The following RORA variants were observed in gnomAD, a reference collection of about 807,000 sequenced individuals.
The protein encoded by RORA is RAR related orphan receptor A.
In RORA, 7 loss-of-function variants were observed where a neutral mutation model predicts 69.5. The ratio of observed to expected loss-of-function variants is 0.10; its 90% confidence interval spans 0.06 to 0.19. RORA has a LOEUF of 0.19. Among genes scored for constraint, RORA ranks in the 10% least tolerant of loss-of-function variants. RORA has a pLI of 1.00. For missense variants in RORA, 457 were observed against 663.0 expected, an observed-to-expected ratio of 0.69 and a Z score of 3.41; for synonymous variants, 261 against 240.8, an observed-to-expected ratio of 1.08 and a Z score of -0.78.
intron 1 of RORA, among the ~76,000 whole-genome samples, chr15:61,187,491 A>AGAG (rs2079755516): frequency 6.6e-6 from 1 of 152,126 alleles, no homozygotes; most frequent in African/African-American, 2.4e-5. Context: ...GGAAAAACCA[A>AGAG]GAGGAGGAGG....
At position 61,099,439 on chromosome 15, in the gene RORA, ACCTC is replaced by A. The variant is rs1264377625; in HGVS notation, c.166+129610_166+129613del. On this transcript the variant is annotated intron_variant, in intron 1 of 10. Coordinates refer to ENST00000335670, the MANE Select transcript of RORA (RefSeq NM_134261.3). Reference sequence around the variant, plus strand: ...AAGGGAAACCTTTCCTTGGAACATTACCTCCCTATTTATTTAATTTTCTAGATAA... The same window carrying A: ...AAGGGAAACCTTTCCTTGGAACATTACCTATTTATTTAATTTTCTAGATAA... Among the ~76,000 whole-genome samples the A allele has an allele frequency of 2.0e-5, 3 of 152,064 alleles. No homozygotes were observed. In the East Asian group the frequency reaches 5.8e-4, roughly 29 times the overall value.
chr15:60,717,199 C>A (rs1287575766), intron 1 of RORA, among the ~76,000 whole-genome samples: 1 of 152,258 alleles, frequency 6.6e-6, no homozygotes, highest in African/African-American at 2.4e-5. Flanking sequence ...AAAACTCCCA[C>A]GCATGTGGTC....
chr15:60,575,472 A>G (rs2067998463), intron 2 of RORA, among the ~76,000 whole-genome samples: 1 of 152,212 alleles, frequency 6.6e-6, no homozygotes, highest in Non-Finnish European at 1.5e-5. Context: ...TGTTTAGTAA[A>G]TGACAGAGTG....
chr15:60,961,540 T>C (rs7172084), intron 1 of RORA, among the ~76,000 whole-genome samples: 95,042 of 152,016 alleles, frequency 0.63, 31,333 homozygotes, highest in South Asian at 0.86. Context: ...TGTGTTGCCA[T>C]AAAGCGTCTC....
intron 1 of RORA, among the ~76,000 whole-genome samples, chr15:60,783,625 G>A (rs902407129): frequency 3.3e-5 from 5 of 152,316 alleles, no homozygotes; most frequent in African/African-American, 1.2e-4. Flanking sequence ...TTGAGTCTCT[G>A]GTCTAAGTCA....
chr15:60,893,458 C>T (rs554450949), intron 1 of RORA, among the ~76,000 whole-genome samples: 6 of 152,320 alleles, frequency 3.9e-5, no homozygotes, highest in Admixed American at 6.5e-5. Context: ...CGCGCCCCTG[C>T]GAAACTCCTC....
At chr15:60,576,804 T>C (rs2068039412) in intron 2 of RORA, among the ~76,000 whole-genome samples, 1 of 152,210 alleles carries the variant, frequency 6.6e-6, no homozygotes. Flanking sequence ...CACACAGTGA[T>C]AAAATTCTCC....
intron 1 of RORA, among the ~76,000 whole-genome samples, chr15:61,104,461 A>G (rs708681): frequency 0.99 from 151,519 of 152,288 alleles, 75,380 homozygotes; most frequent in Middle Eastern, 1. Context: ...GAGGTATCAG[A>G]ATTTGTTACC....
chr15:60,725,653 T>C (rs976452491), intron 1 of RORA, among the ~76,000 whole-genome samples: 2 of 152,246 alleles, frequency 1.3e-5, no homozygotes, highest in Non-Finnish European at 2.9e-5. Flanking sequence ...TGTGAAATAC[T>C]GTTTTATTCT....
chr15:61,204,106 T>C (rs948850812), intron 1 of RORA, among the ~76,000 whole-genome samples: 5 of 152,180 alleles, frequency 3.3e-5, no homozygotes, highest in African/African-American at 9.7e-5. Context: ...AGCGCTGTAA[T>C]GCAGAAAATA....
chr15:60,592,250 C>T, intron 2 of RORA: 1 of 514,156 alleles, frequency 1.9e-6, no homozygotes, highest in Non-Finnish European at 2.8e-6. Context: ...CCCAGAAGGC[C>T]CTGGCAGGGC....
At chr15:60,533,178 A>G (rs576981546) in intron 2 of RORA, among the ~76,000 whole-genome samples, 4 of 152,312 alleles carry the variant, frequency 2.6e-5, no homozygotes, top group African/African-American at 9.6e-5. Flanking sequence ...AGGGCCTAAT[A>G]CAAGTACTGT....
intron 1 of RORA, among the ~76,000 whole-genome samples, chr15:61,063,057 T>C (rs2899666): frequency 0.27 from 40,757 of 152,164 alleles, 5,858 homozygotes; most frequent in Non-Finnish European, 0.33. Flanking sequence ...CCCGGCGTAT[T>C]CACCAGTGTG....
chr15:60,538,135 G>A (rs1311115473), intron 2 of RORA, among the ~76,000 whole-genome samples: 1 of 152,138 alleles, frequency 6.6e-6, no homozygotes, highest in African/African-American at 2.4e-5. Context: ...GAGACTTGGT[G>A]TCTCTTTCCT....
At chr15:60,788,806 G>T (rs2140346096) in intron 1 of RORA, among the ~76,000 whole-genome samples, 1 of 152,306 alleles carries the variant, frequency 6.6e-6, no homozygotes, top group Non-Finnish European at 1.5e-5. Context: ...CCTTCCATGA[G>T]AAAGCCCCTG....
chr15:60,809,410 T>G (rs1337664708), intron 1 of RORA, among the ~76,000 whole-genome samples: 2 of 152,182 alleles, frequency 1.3e-5, no homozygotes, highest in Non-Finnish European at 2.9e-5. Flanking sequence ...TCTACAAAGC[T>G]TTATAGAAAA....
chr15:60,975,435 G>T (rs1893848645), intron 1 of RORA, among the ~76,000 whole-genome samples: 1 of 152,110 alleles, frequency 6.6e-6, no homozygotes, highest in South Asian at 2.1e-4. Flanking sequence ...GTCAAGTAAG[G>T]CTTGAGCTCT....
intron 1 of RORA, chr15:61,214,115 C>A (rs112103627): frequency 1.3e-5 from 2 of 152,104 alleles, no homozygotes; most frequent in African/African-American, 4.8e-5. Flanking sequence ...CAGCTGAAGT[C>A]GCAAAATGTG....
chr15:61,020,753 T>C (rs117686196), intron 1 of RORA, among the ~76,000 whole-genome samples: 1,736 of 152,322 alleles, frequency 0.011, 17 homozygotes, highest in Non-Finnish European at 0.018. Context: ...TCCTAAAGCA[T>C]AACTCAAATC....
Sources: gnomAD v4.1 joint callset for allele counts (sites outside exome capture counted in the v4.1 genomes callset) on GRCh38, gnomAD v4.1.1 for gene constraint, MANE v1.5 for transcripts, NCBI Gene and HGNC (gene_info 2026-07-23, HGNC 2026-07-21) for gene names.